Variants in EIF3K observed in about 807,000 individuals in gnomAD.
EIF3K encodes eIF-3 p28.
Under a neutral mutation model 34.2 loss-of-function variants are expected in EIF3K, and 27 were observed. The ratio of observed to expected loss-of-function variants is 0.79; its 90% CI spans 0.58 to 1.09. The LOEUF is 1.09. Ranked by LOEUF, EIF3K falls within the 50% of genes least tolerant of loss-of-function variation. The probability of loss-of-function intolerance (pLI) is 0.00; values close to 1 mark genes in which losing one functional copy is unlikely to be tolerated. For missense variants in EIF3K, 232 were observed against 275.4 expected (o/e 0.84, Z 1.11); for synonymous variants, 105 against 105.7 (o/e 0.99, Z 0.04).
At chr19:38,627,187 TG>T (rs1035499688) in intron 4 of EIF3K, among the ~76,000 whole-genome samples, 1 of 151,952 alleles carries the variant, frequency 6.6e-6, no homozygotes, top group African/African-American at 2.4e-5. Flanking sequence ...GGTTTTGCCA[TG>T]TTGTCCAGGC....
intron 7 of EIF3K, among the ~76,000 whole-genome samples, chr19:38,636,288 G>A (rs1328516107): frequency 2.0e-5 from 3 of 152,166 alleles, no homozygotes; most frequent in Admixed American, 6.6e-5. Context: ...CAGCCCTGCC[G>A]GGGGAGTAGA....
intron 3 of EIF3K, among the ~76,000 whole-genome samples, chr19:38,625,520 T>A (rs971391194): frequency 6.6e-6 from 1 of 151,180 alleles, no homozygotes; most frequent in Non-Finnish European, 1.5e-5. Flanking sequence ...AATATTTTCT[T>A]TTTTTTTGAG....
chr19:38,625,812 T>C (rs577396500), intron 3 of EIF3K, among the ~76,000 whole-genome samples: 1 of 152,318 alleles, frequency 6.6e-6, no homozygotes, highest in East Asian at 1.9e-4. Flanking sequence ...GACTGGCATG[T>C]CATTTCTCAT....
rs889156413 is a variant in EIF3K, at chr19:38,632,325, A to C, written c.355-105A>C. On this transcript the variant is annotated intron_variant, in intron 4 of 7. Transcript: ENST00000248342. ...AAGATCACTTGAGCCCAGAAATTCAAGACCAGCCTGGGCAACGTAGTGAGA... is the reference window on the plus strand; with the variant it reads ...AAGATCACTTGAGCCCAGAAATTCACGACCAGCCTGGGCAACGTAGTGAGA... The C allele has an allele frequency of 3.6e-6, 4 of 1,114,028 alleles. No homozygotes were observed. In the South Asian group the frequency reaches 4.3e-5, roughly 12 times the overall value. The allele number at this position is 1,114,028 out of a possible 1,614,324, so 69.0% of individuals were successfully genotyped here.
chr19:38,629,716 G>A (rs1229421823), intron 4 of EIF3K, among the ~76,000 whole-genome samples: 3 of 152,176 alleles, frequency 2.0e-5, no homozygotes, highest in Non-Finnish European at 4.4e-5. Flanking sequence ...AAATCTGAAG[G>A]AGGTGAGGGT....
chr19:38,626,243 A>G (rs1599733464), intron 4 of EIF3K, 141 bp downstream of exon 4: 2 of 800,714 alleles, frequency 2.5e-6, no homozygotes, highest in East Asian at 5.1e-5. Context: ...TTGTGGAATT[A>G]TCATCCTCTC....
chr19:38,632,965 G>A (rs1976102399), intron 6 of EIF3K: 4 of 388,922 alleles, frequency 1.0e-5, no homozygotes, highest in Non-Finnish European at 1.9e-5. Flanking sequence ...CATTCTCATG[G>A]AGGTAGCAAA....
intron 4 of EIF3K, 65 bp downstream of exon 4, chr19:38,626,167 TAAC>T (rs1975946979): frequency 6.9e-7 from 1 of 1,456,942 alleles, no homozygotes. Flanking sequence ...GTGCTAAAAG[TAAC>T]AACGGTGCAC....
intron 1 of EIF3K, among the ~76,000 whole-genome samples, chr19:38,619,595 A>G (rs1488556325): frequency 6.6e-6 from 1 of 152,206 alleles, no homozygotes; most frequent in Non-Finnish European, 1.5e-5. Context: ...CCCCGTCTCT[A>G]AAAGAAAGAA....
intron 7 of EIF3K, chr19:38,635,833 T>A (rs987169898): frequency 6.6e-6 from 1 of 152,318 alleles, no homozygotes. Context: ...GGGTGCTGCT[T>A]CACTGCCGCT....
At chr19:38,624,038 A>C in intron 2 of EIF3K, 39 bp from the exon 3 acceptor site, 2 of 1,613,372 alleles carry the variant, frequency 1.2e-6, no homozygotes, top group Non-Finnish European at 1.7e-6. Flanking sequence ...GGGGACTTGG[A>C]GGTGCCACTG....
intron 4 of EIF3K, among the ~76,000 whole-genome samples, chr19:38,627,905 C>CTTTTTTTTTTTT (rs60551864): frequency 2.1e-5 from 3 of 140,266 alleles, no homozygotes; most frequent in African/African-American, 5.4e-5. Context: ...ATTTTCTTTC[C>CTTTTTTTTTTTT]TTTTTTTTTT....
At chr19:38,622,772 G>A (rs1202470600) in intron 2 of EIF3K, among the ~76,000 whole-genome samples, 1 of 152,222 alleles carries the variant, frequency 6.6e-6, no homozygotes, top group African/African-American at 2.4e-5. Flanking sequence ...CCCGTTCAGA[G>A]ACCTACCCCT....
intron 6 of EIF3K, among the ~76,000 whole-genome samples, chr19:38,634,251 C>G (rs1599740637): frequency 6.7e-6 from 1 of 148,668 alleles, no homozygotes; most frequent in Non-Finnish European, 1.5e-5. Flanking sequence ...CCTCTGCCAC[C>G]TCGCCCAGCT....
chr19:38,632,834 C>T (rs1374970930), intron 6 of EIF3K, 156 bp downstream of exon 6: 2 of 624,382 alleles, frequency 3.2e-6, no homozygotes, highest in Non-Finnish European at 5.4e-6. Flanking sequence ...ATAAGACAGT[C>T]TCTGCCTTGA....
rs867622475 is a variant in EIF3K at position 38,626,173 on chromosome 19, C to T, written c.354+71C>T. Reference sequence around the variant, plus strand: ...TGGAGCTGAGTGCTAAAAGTAACAACGGTGCACACTGACTGGCTTCCTGCT... The same window carrying T: ...TGGAGCTGAGTGCTAAAAGTAACAATGGTGCACACTGACTGGCTTCCTGCT... On this transcript the variant is annotated intron_variant, in intron 4 of 7. Transcript: ENST00000248342. 8.6e-6 allele frequency: 12 copies of T among 1,391,416 alleles called. No individual in the cohort carries two copies. In the Middle Eastern group the frequency reaches 1.1e-3, roughly 123 times the overall value. The allele number at this position is 1,391,416 out of a possible 1,614,324, so 86.2% of individuals were successfully genotyped here. A position where few individuals can be genotyped will look rare whatever the true frequency, so the allele number is the denominator to read the frequency against.
Position 38,623,934 on chromosome 19 carries a change from A to G in EIF3K, c.159-143A>G, listed in dbSNP as rs116657623. On this transcript the variant is annotated intron_variant, in intron 2 of 7. Coordinates refer to ENST00000248342, the MANE Select transcript of EIF3K (RefSeq NM_013234.4). ...GTAGGCTCAGGGAGGTGAAGGTTAC[A>G]CAGCTGGGAAGCACTGGGACTGGGA... The G allele has an allele frequency of 1.5e-3, 1,927 of 1,318,476 alleles. 20 individuals are homozygous for G. The African/African-American group carries it at 0.022, about 15-fold the overall frequency. The allele number at this position is 1,318,476 out of a possible 1,614,324, so 81.7% of individuals were successfully genotyped here. A position where few individuals can be genotyped will look rare whatever the true frequency, so the allele number is the denominator to read the frequency against.
rs200860921 is a variant in EIF3K, at chr19:38,626,809, G to GT, written c.354+713dup. Among the ~76,000 whole-genome samples the GT allele has an allele frequency of 3.6e-4, 55 of 151,926 alleles. No individual in the cohort carries two copies. The East Asian group carries it at 0.01, about 29-fold the overall frequency. On this transcript the variant is annotated intron_variant, in intron 4 of 7. Coordinates refer to ENST00000248342, the MANE Select transcript of EIF3K (RefSeq NM_013234.4). Reference sequence around the variant, plus strand: ...CTTTTTTGTTGTTTTTTGTTTGTTTGTTTTTTGGTTTTTTTGAGATGGAGT... The same window carrying GT: ...CTTTTTTGTTGTTTTTTGTTTGTTTGTTTTTTTGGTTTTTTTGAGATGGAGT...
chr19:38,633,892 G>A (rs1217574836), intron 6 of EIF3K, among the ~76,000 whole-genome samples: 2 of 151,686 alleles, frequency 1.3e-5, no homozygotes, highest in African/African-American at 4.8e-5. Flanking sequence ...AGAACCGCTT[G>A]AGCCCAGGAG....
Sources: allele counts gnomAD v4.1 joint callset (sites outside exome capture counted in the v4.1 genomes callset), GRCh38; gene constraint gnomAD v4.1.1; transcripts MANE v1.5; gene names NCBI Gene and HGNC (gene_info 2026-07-23, HGNC 2026-07-21).